The following ART4 variants were observed in gnomAD, a reference collection of about 807,000 sequenced individuals.
The protein encoded by ART4 is ADP-ribosyltransferase 4 (inactive) (Dombrock blood group), also known as ecto-ADP-ribosyltransferase 4.
In ART4, 14 loss-of-function variants were observed where a neutral mutation model predicts 24.2. The observed-to-expected ratio is 0.58, with a 90% CI of 0.38 to 0.90. ART4 has a LOEUF of 0.90. ART4 is among the 40% of genes least tolerant of loss of function. The pLI, the probability that ART4 is intolerant of heterozygous loss-of-function variation, is 0.00. For missense variants in ART4, 356 were observed against 366.6 expected, an observed-to-expected ratio of 0.97 and a Z score of 0.24; for synonymous variants, 145 against 139.9, an observed-to-expected ratio of 1.04 and a Z score of -0.26.
At position 14,829,422 on chromosome 12, in the gene ART4, T is replaced by G. The variant is rs1158627926; in HGVS notation, c.894A>C (p.Ala298=). Residue 298 remains alanine, a synonymous_variant, in exon 3 of 3, where the codon GCA becomes GCC. Transcript: ENST00000228936. ...KKCIPDPIAI[A]SLSFLTSVII... ...TGACACTGGTCAAAAAGGAGAGAGA[T>G]GCAATAGCTATAGGATCAGGGATGC... 3.7e-6 allele frequency: 6 copies of G among 1,610,006 alleles called. No individual in the cohort carries two copies. In the Admixed American group the frequency reaches 1.0e-4, roughly 27 times the overall value.
intron 2 of ART4, among the ~76,000 whole-genome samples, chr12:14,832,406 C>T (rs1950402823): frequency 6.6e-6 from 1 of 152,100 alleles, no homozygotes; most frequent in Non-Finnish European, 1.5e-5. Context: ...CAAATGTCAC[C>T]CTCTCAGTGA....
At chr12:14,833,760 AG>A (rs1950411265) in intron 2 of ART4, among the ~76,000 whole-genome samples, 1 of 152,202 alleles carries the variant, frequency 6.6e-6, no homozygotes. Context: ...AAACAGAAAA[AG>A]GTAAAGCTGA....
chr12:14,841,253 A>G (rs1863048907), intron 1 of ART4, 100 bp from the exon 2 acceptor site: 4 of 1,040,640 alleles, frequency 3.8e-6, no homozygotes, highest in Non-Finnish European at 5.6e-6. Context: ...TCTCCTGGAA[A>G]CCAATATTTA....
chr12:14,834,208 G>A (rs78787793), intron 2 of ART4, among the ~76,000 whole-genome samples: 4,196 of 152,254 alleles, frequency 0.028, 111 homozygotes, highest in African/African-American at 0.061. Flanking sequence ...CCACCATGCC[G>A]TGTGGTCTCC....
intron 2 of ART4, among the ~76,000 whole-genome samples, chr12:14,835,610 C>CTT (rs5796613): frequency 1.4e-5 from 2 of 146,790 alleles, no homozygotes; most frequent in African/African-American, 2.5e-5. Flanking sequence ...GGCAATCAAA[C>CTT]TTTTTTTTTT....
At chr12:14,836,404 G>A (rs1372935415) in intron 2 of ART4, among the ~76,000 whole-genome samples, 1 of 152,004 alleles carries the variant, frequency 6.6e-6, no homozygotes, top group Non-Finnish European at 1.5e-5. Flanking sequence ...GGGCTACTAA[G>A]TGACTCACAG....
chr12:14,841,771 A>G (rs1024518338), intron 1 of ART4, among the ~76,000 whole-genome samples: 2 of 152,258 alleles, frequency 1.3e-5, no homozygotes, highest in African/African-American at 2.4e-5. Flanking sequence ...TGGCTTGTTA[A>G]GAGCAAATTC....
chr12:14,838,714 G>A (rs761374898), intron 2 of ART4, among the ~76,000 whole-genome samples: 6 of 152,152 alleles, frequency 3.9e-5, no homozygotes, highest in Non-Finnish European at 8.8e-5. Context: ...AGACCTCAGT[G>A]TGGATGCCAG....
Position 14,840,777 on chromosome 12 carries a change from C to T in ART4, c.521G>A (p.Ser174Asn), listed in dbSNP as rs1220128438. The stretch of plus-strand genomic sequence containing the variant: ...GCACAGAGTGCCATTCTCCATGATG[C>T]TGTCTTTCCTCAGCAGCTGGATTGC... ...TSAIQLLRKD[S>N]IMENGTLCYE... Residue 174 changes from serine (S) to asparagine (N), a missense_variant, in exon 2 of 3, where the codon AGC becomes AAC. Coordinates refer to ENST00000228936, the MANE Select transcript of ART4 (RefSeq NM_021071.4). 1 of 1,614,166 alleles carries T rather than the reference C, an allele frequency of 6.2e-7. No homozygotes were observed. The highest frequency in any genetic ancestry group is 1.1e-5 in the South Asian group (1 of 91,080).
In ART4 at chr12:14,840,592, C is replaced by T. The variant is rs768235727; in HGVS notation, c.706G>A (p.Val236Ile). ...FTIFTCLGAP[V>I]QYFSLKKEVL... ...TCCTTCTTGAGGGAGAAGTACTGTA[C>T]AGGTGCACCCAGGCAGGTGAATATG... The change falls in exon 2 of 3, where the codon GTA becomes ATA. Residue 236 changes from valine to isoleucine, a missense_variant. By Grantham distance (29) the Val-to-Ile change is conservative (BLOSUM62 3). Coordinates refer to ENST00000228936, the MANE Select transcript of ART4 (RefSeq NM_021071.4). 4.3e-6 allele frequency: 7 copies of T among 1,614,060 alleles called. No individual in the cohort carries two copies. The highest frequency in any genetic ancestry group is 3.3e-5 in the Admixed American group (2 of 59,994).
intron 2 of ART4, among the ~76,000 whole-genome samples, chr12:14,835,679 C>T (rs981911829): frequency 2.3e-4 from 35 of 151,558 alleles, no homozygotes; most frequent in Non-Finnish European, 3.7e-4. Context: ...GATCTTGGCT[C>T]ACTGCCACCT....
intron 1 of ART4, 133 bp downstream of exon 1, chr12:14,842,837 T>A (rs1317805011): frequency 1.5e-5 from 17 of 1,144,294 alleles, no homozygotes; most frequent in Middle Eastern, 3.0e-4. Flanking sequence ...TTTACTAACA[T>A]GATTTGTTAA....
rs2137300704 is a variant in ART4, at chr12:14,835,246, A to G, written c.853+5199T>C. Among the ~76,000 whole-genome samples, 2 of 152,340 alleles carry G rather than the reference A, an allele frequency of 1.3e-5. 1 individual carries two copies. The highest frequency in any genetic ancestry group is 4.1e-4 in the South Asian group (2 of 4,832). On this transcript the variant is annotated intron_variant, in intron 2 of 2. Transcript: ENST00000228936. ...GAAGATTACAGTTTCGTGAGGAGTT[A>G]GATATCAGTGTTCCAGAACACCATC...
intron 2 of ART4, among the ~76,000 whole-genome samples, chr12:14,834,846 C>T (rs1339717589): frequency 2.6e-5 from 4 of 152,162 alleles, no homozygotes; most frequent in African/African-American, 9.6e-5. Flanking sequence ...ACAATTTTTC[C>T]TTTTGCAAAT....
intron 2 of ART4, among the ~76,000 whole-genome samples, chr12:14,832,011 C>T (rs1023273033): frequency 6.6e-5 from 10 of 152,014 alleles, no homozygotes; most frequent in African/African-American, 1.4e-4. Flanking sequence ...TTACTGCCTC[C>T]ACTCTACCAC....
At chr12:14,835,204 G>A (rs1338757620) in intron 2 of ART4, among the ~76,000 whole-genome samples, 1 of 152,160 alleles carries the variant, frequency 6.6e-6, no homozygotes, top group Non-Finnish European at 1.5e-5. Context: ...CTGAAAGAAT[G>A]AGAAATAGTG....
rs7132594 is a variant in ART4, at chr12:14,826,874, A to T, written c.*2497T>A. 1.3e-5 allele frequency: 2 copies of T among 152,204 alleles called. No individual in the cohort carries two copies. The highest frequency in any genetic ancestry group is 4.8e-5 in the African/African-American group (2 of 41,438). The allele number at this position is 152,204 out of a possible 1,614,324, so 9.4% of individuals were successfully genotyped here. A position where few individuals can be genotyped will look rare whatever the true frequency, so the allele number is the denominator to read the frequency against. On this transcript the variant is annotated 3_prime_UTR_variant, in exon 3 of 3. Coordinates refer to ENST00000228936, the MANE Select transcript of ART4 (RefSeq NM_021071.4). ...AATATTTGGCCTTGTTTTGGGCACTACGCACTTGGCACATACTCTTTCTTG... is the reference window on the plus strand; with the variant it reads ...AATATTTGGCCTTGTTTTGGGCACTTCGCACTTGGCACATACTCTTTCTTG...
chr12:14,830,119 AGTGTGT>A (rs113436435), intron 2 of ART4, among the ~76,000 whole-genome samples: 89 of 145,720 alleles, frequency 6.1e-4, no homozygotes, highest in South Asian at 4.0e-3. Context: ...TCCTGTTTGG[AGTGTGT>A]GTGTGTGTGT....
chr12:14,830,649 G>GTGTATATATATATA (rs1184732964), intron 2 of ART4, among the ~76,000 whole-genome samples: 1 of 25,922 alleles, frequency 3.9e-5, no homozygotes, highest in African/African-American at 1.2e-4. Flanking sequence ...CTGTATGTAT[G>GTGTATATATATATA]TATATATATA....
Sources: gnomAD v4.1 joint callset for allele counts (sites outside exome capture counted in the v4.1 genomes callset) on GRCh38, gnomAD v4.1.1 for gene constraint, MANE v1.5 for transcripts, NCBI Gene and HGNC (gene_info 2026-07-23, HGNC 2026-07-21) for gene names.